Variants in TMEM267 observed in about 807,000 individuals in gnomAD.
TMEM267 encodes transmembrane protein 267.
TMEM267 carries 20 observed loss-of-function variants against 19.3 expected under a neutral mutation model. That is an observed-to-expected ratio of 1.04 (90% CI 0.73 to 1.51). The LOEUF is 1.51. Among genes scored for constraint, TMEM267 ranks in the 40% most tolerant of loss-of-function variants. The pLI, the probability that TMEM267 is intolerant of heterozygous loss-of-function variation, is 0.00. For missense variants in TMEM267, 242 were observed against 261.9 expected, an observed-to-expected ratio of 0.92 and a Z score of 0.52; for synonymous variants, 88 against 90.3, an observed-to-expected ratio of 0.97 and a Z score of 0.15.
At chr5:43,451,844 G>T (rs1384162027) in intron 2 of TMEM267, among the ~76,000 whole-genome samples, 1 of 152,080 alleles carries the variant, frequency 6.6e-6, no homozygotes, top group Non-Finnish European at 1.5e-5. Flanking sequence ...GGAGGTTGAG[G>T]CGGGAGGATC....
chr5:43,462,332 C>A (rs1308081960), intron 1 of TMEM267, among the ~76,000 whole-genome samples: 3 of 152,136 alleles, frequency 2.0e-5, no homozygotes, highest in African/African-American at 7.2e-5. Flanking sequence ...TAAGCCCCGA[C>A]AATGAAGCCT....
At chr5:43,463,796 G>T (rs1029105812) in intron 1 of TMEM267, among the ~76,000 whole-genome samples, 6 of 152,166 alleles carry the variant, frequency 3.9e-5, no homozygotes, top group African/African-American at 1.4e-4. Flanking sequence ...GTATCGATGG[G>T]ATGTATCTCC....
At position 43,446,434 on chromosome 5, in the gene TMEM267, A is replaced by G. The variant is rs775219655; in HGVS notation, c.436T>C (p.Trp146Arg). 2.5e-6 allele frequency: 4 copies of G among 1,613,820 alleles called. No homozygotes were observed. The highest frequency in any genetic ancestry group is 3.3e-5 in the Admixed American group (2 of 60,024). ...GAAGTCCAGGATATAAATAACATCC[A>G]GGGAAGAAAGCACCATGAGTCTTTG... ...KLKDSWCFLP[W>R]MLFISWTSHH... Residue 146 changes from tryptophan (W) to arginine (R), a missense_variant, in exon 3 of 3, where the codon TGG (tryptophan) becomes CGG (arginine). Physicochemically the swap from Trp to Arg is moderately radical, Grantham distance 101 (BLOSUM62 -3). Transcript: ENST00000397080.
chr5:43,450,767 G>A (rs1281049717), intron 2 of TMEM267, among the ~76,000 whole-genome samples: 1 of 152,144 alleles, frequency 6.6e-6, no homozygotes, highest in African/African-American at 2.4e-5. Flanking sequence ...ACACATTTAT[G>A]AATCACATAT....
At chr5:43,467,468 A>G (rs1743809244) in intron 1 of TMEM267, among the ~76,000 whole-genome samples, 1 of 152,198 alleles carries the variant, frequency 6.6e-6, no homozygotes. Context: ...AGATTTCAAG[A>G]CAAAAAGTAT....
intron 1 of TMEM267, among the ~76,000 whole-genome samples, 181 bp downstream of exon 1, chr5:43,483,641 C>G (rs1401250707): frequency 6.6e-6 from 1 of 152,178 alleles, no homozygotes; most frequent in African/African-American, 2.4e-5. Context: ...TCACACGCAC[C>G]CAGGAGGCTC....
At chr5:43,460,779 C>A (rs1357587030) in intron 1 of TMEM267, among the ~76,000 whole-genome samples, 1 of 152,172 alleles carries the variant, frequency 6.6e-6, no homozygotes, top group Non-Finnish European at 1.5e-5. Context: ...TTTAAATTAG[C>A]CCAAGCCAGA....
intron 1 of TMEM267, among the ~76,000 whole-genome samples, chr5:43,465,237 C>A (rs886527329): frequency 6.6e-6 from 1 of 152,126 alleles, no homozygotes; most frequent in Non-Finnish European, 1.5e-5. Flanking sequence ...CAGAGAAATG[C>A]AAATCAAAAC....
intron 1 of TMEM267, among the ~76,000 whole-genome samples, chr5:43,461,874 A>T (rs184878598): frequency 1.3e-5 from 2 of 152,298 alleles, no homozygotes; most frequent in East Asian, 3.9e-4. Flanking sequence ...ACTGCCCTGA[A>T]AGGAAGGACA....
At chr5:43,464,393 T>C (rs1743487137) in intron 1 of TMEM267, among the ~76,000 whole-genome samples, 2 of 152,186 alleles carry the variant, frequency 1.3e-5, no homozygotes. Context: ...AGGTAATTTA[T>C]AGATTCAATG....
At chr5:43,461,206 AG>A (rs1743237462) in intron 1 of TMEM267, among the ~76,000 whole-genome samples, 1 of 152,180 alleles carries the variant, frequency 6.6e-6, no homozygotes, top group Non-Finnish European at 1.5e-5. Context: ...CCTGCCTTGA[AG>A]GACAGGACTC....
At chr5:43,483,350 T>C (rs934129257) in intron 1 of TMEM267, among the ~76,000 whole-genome samples, 2 of 152,134 alleles carry the variant, frequency 1.3e-5, no homozygotes, top group Non-Finnish European at 2.9e-5. Flanking sequence ...AAATGTCATT[T>C]AAAAAAATGG....
intron 1 of TMEM267, among the ~76,000 whole-genome samples, chr5:43,462,970 A>G (rs1316050498): frequency 6.6e-6 from 1 of 152,172 alleles, no homozygotes; most frequent in Non-Finnish European, 1.5e-5. Flanking sequence ...GAGACACAAA[A>G]AACTTTTCAA....
chr5:43,477,310 C>T (rs1201482034), intron 1 of TMEM267, among the ~76,000 whole-genome samples: 6 of 151,982 alleles, frequency 3.9e-5, no homozygotes, highest in Non-Finnish European at 7.4e-5. Context: ...AGACACAGGC[C>T]GGGGGCGGTG....
chr5:43,477,360 G>T (rs1358810968), intron 1 of TMEM267, among the ~76,000 whole-genome samples: 1 of 152,060 alleles, frequency 6.6e-6, no homozygotes, highest in Admixed American at 6.6e-5. Context: ...AGGCCGAGGT[G>T]GGCGGATCAT....
At chr5:43,464,491 T>A (rs1338124086) in intron 1 of TMEM267, among the ~76,000 whole-genome samples, 1 of 152,266 alleles carries the variant, frequency 6.6e-6, no homozygotes, top group Admixed American at 6.5e-5. Context: ...AGAGCCCGCA[T>A]TACCAAGTCA....
At chr5:43,465,177 A>G (rs1483918303) in intron 1 of TMEM267, among the ~76,000 whole-genome samples, 1 of 152,248 alleles carries the variant, frequency 6.6e-6, no homozygotes, top group Non-Finnish European at 1.5e-5. Flanking sequence ...AAAAGAAGAC[A>G]TTTATGCAGC....
chr5:43,463,401 T>A (rs984000483), intron 1 of TMEM267, among the ~76,000 whole-genome samples: 6 of 152,018 alleles, frequency 3.9e-5, no homozygotes, highest in Admixed American at 1.3e-4. Context: ...ACTATTCCAA[T>A]CAATAGAAAA....
At position 43,469,435 on chromosome 5, in the gene TMEM267, G is replaced by A. The variant is rs182928050; in HGVS notation, c.-75+14387C>T. ...TCATGACTAAGTGGGCTTTATCCCC[G>A]GGATGCAATGATGCTTCAACATACG... On this transcript the variant is annotated intron_variant, in intron 1 of 2. Transcript: ENST00000397080. 2.3e-4 allele frequency among the ~76,000 whole-genome samples: 35 copies of A among 152,160 alleles called. No individual in the cohort carries two copies. The East Asian group carries it at 5.6e-3, about 24-fold the overall frequency.
Sources: gnomAD v4.1 joint callset for allele counts (sites outside exome capture counted in the v4.1 genomes callset) on GRCh38, gnomAD v4.1.1 for gene constraint, MANE v1.5 for transcripts, NCBI Gene and HGNC (gene_info 2026-07-23, HGNC 2026-07-21) for gene names.